Variants in TBCD observed in about 807,000 individuals in gnomAD.
TBCD encodes the protein tubulin folding cofactor D.
In TBCD, 105 loss-of-function variants were observed where a neutral mutation model predicts 169.3. The observed-to-expected ratio is 0.62, with a 90% CI of 0.53 to 0.73. The LOEUF (loss-of-function observed/expected upper bound fraction) is 0.73, where lower values mean the gene tolerates loss of function less well. Ranked by LOEUF, TBCD falls within the 30% of genes least tolerant of loss-of-function variation. The probability of loss-of-function intolerance (pLI) is 0.00; values close to 1 mark genes in which losing one functional copy is unlikely to be tolerated. For synonymous variants in TBCD, 700 were observed against 643.9 expected, an observed-to-expected ratio of 1.09 and a Z score of -1.32; for missense variants, 1,444 against 1,600.1, an observed-to-expected ratio of 0.90 and a Z score of 1.66.
intron 13 of TBCD, among the ~76,000 whole-genome samples, chr17:82,856,562 G>A (rs2056298660): frequency 6.6e-6 from 1 of 152,200 alleles, no homozygotes; most frequent in Admixed American, 6.5e-5. Flanking sequence ...ATGAGTCACA[G>A]GGACAGAGCT....
chr17:82,757,773 A>G (rs1431722343), intron 2 of TBCD, among the ~76,000 whole-genome samples: 3 of 152,118 alleles, frequency 2.0e-5, no homozygotes, highest in Non-Finnish European at 4.4e-5. Flanking sequence ...TGCAGGGAAC[A>G]TGACTCTGAC....
In TBCD at chr17:82,890,280, A is replaced by C. The variant is rs1390306755; in HGVS notation, c.1563+583A>C. On this transcript the variant is annotated intron_variant, in intron 16 of 38. Transcript: ENST00000355528. This position sits in a 1 kb window ranked among gnomAD's most constrained non-coding sequence, Gnocchi z 5.3. Reference sequence around the variant, plus strand: ...TCTTGGGCGTGTGGTTGGGTCTTGCAGGAGAGTGGGACAGAGGCCGGAGAG... The same window carrying C: ...TCTTGGGCGTGTGGTTGGGTCTTGCCGGAGAGTGGGACAGAGGCCGGAGAG... Among the ~76,000 whole-genome samples, 2 of 152,194 alleles carry C rather than the reference A, an allele frequency of 1.3e-5. No individual in the cohort carries two copies.
At chr17:82,876,126 T>C (rs1199422373) in intron 14 of TBCD, among the ~76,000 whole-genome samples, 1 of 152,194 alleles carries the variant, frequency 6.6e-6, no homozygotes, top group African/African-American at 2.4e-5. Flanking sequence ...AAACTTGAGC[T>C]GGGGTGAGGT....
chr17:82,752,745 C>T (rs571444057), intron 1 of TBCD, among the ~76,000 whole-genome samples: 1 of 152,328 alleles, frequency 6.6e-6, no homozygotes, highest in South Asian at 2.1e-4. Flanking sequence ...CAGACCCCTC[C>T]GGACAGCTGG....
rs1286528294 is a variant in TBCD at position 82,915,328 on chromosome 17, A to T, written c.2038+3539A>T. Among the ~76,000 whole-genome samples, 1 of 152,116 alleles carries T rather than the reference A, an allele frequency of 6.6e-6. No individual in the cohort carries two copies. Among genetic ancestry groups the T allele is most frequent in the Non-Finnish European group, 1.5e-5 (1 of 68,016 alleles). On this transcript the variant is annotated intron_variant, in intron 23 of 38. Coordinates refer to ENST00000355528, the MANE Select transcript of TBCD (RefSeq NM_005993.5). The surrounding 1 kb of genome is among the most constrained non-coding windows in gnomAD (Gnocchi z 4.3). ...CACATTTTGTGGGAAAAGTGGCTCA[A>T]CCCTTGGGAGTCGTCTGCGTCCCCA...
chr17:82,900,629 C>T (rs949167236), intron 17 of TBCD, 22 bp from the exon 18 acceptor site: 1 of 1,607,360 alleles, frequency 6.2e-7, no homozygotes, highest in Admixed American at 1.7e-5. Context: ...GTCTCACCAC[C>T]TCTCCATGCT....
At chr17:82,799,463 AGAAAC>A (rs1165189913) in intron 8 of TBCD, among the ~76,000 whole-genome samples, 3 of 150,852 alleles carry the variant, frequency 2.0e-5, no homozygotes, top group Non-Finnish European at 4.4e-5. Flanking sequence ...AAAAAAAAAA[AGAAAC>A]TATCCGAATA....
chr17:82,909,331 C>A, intron 22 of TBCD, 24 bp downstream of exon 22: 1 of 1,518,052 alleles, frequency 6.6e-7, no homozygotes, highest in South Asian at 1.2e-5. Flanking sequence ...AACCAAAGTT[C>A]TTATATCTGT....
intron 14 of TBCD, among the ~76,000 whole-genome samples, chr17:82,875,187 C>G (rs781099651): frequency 1.5e-4 from 23 of 152,186 alleles, no homozygotes; most frequent in Non-Finnish European, 3.4e-4. Flanking sequence ...TCGTAGGTAA[C>G]TTTTACCATG....
At position 82,831,014 on chromosome 17, in the gene TBCD, C is replaced by T. The variant is rs1260875246; in HGVS notation, c.1318+16080C>T. ...TTGGAGGTTTTGAAAATGACATTTT[C>T]TTACCTTACTGGAGACTCTGCTGTG... On this transcript the variant is annotated intron_variant, in intron 13 of 38. Transcript: ENST00000355528. This position sits in a 1 kb window ranked among gnomAD's most constrained non-coding sequence, Gnocchi z 4.6. 2 of 1,613,986 alleles carry T rather than the reference C, an allele frequency of 1.2e-6. No homozygotes were observed. The highest frequency in any genetic ancestry group is 1.7e-6 in the Non-Finnish European group (2 of 1,180,046).
Position 82,782,341 on chromosome 17 carries a change from C to T in TBCD, c.771+620C>T, listed in dbSNP as rs1258171921. On this transcript the variant is annotated intron_variant, in intron 7 of 38. Transcript: ENST00000355528. This position sits in a 1 kb window ranked among gnomAD's most constrained non-coding sequence, Gnocchi z 5.1. ...CTGGAGGCTGCAGCTCCCTGGTCAG[C>T]CTTCTGGAGGGGGAGCCGGCAGCCG... Among the ~76,000 whole-genome samples the T allele has an allele frequency of 6.6e-6, 1 of 152,186 alleles. No homozygotes were observed. The highest frequency in any genetic ancestry group is 2.4e-5 in the African/African-American group (1 of 41,442).
chr17:82,781,790 A>G, intron 7 of TBCD, 69 bp downstream of exon 7: 2 of 1,582,410 alleles, frequency 1.3e-6, no homozygotes, highest in Non-Finnish European at 1.7e-6. Context: ...CCACGGAATG[A>G]TGTTACCTGT....
At chr17:82,818,167 C>T (rs662669) in intron 13 of TBCD, among the ~76,000 whole-genome samples, 84,510 of 152,084 alleles carry the variant, frequency 0.56, 23,597 homozygotes, top group South Asian at 0.65. Context: ...CAGAAACTGA[C>T]ACGTGATGTG....
intron 1 of TBCD, among the ~76,000 whole-genome samples, chr17:82,754,153 C>T (rs187686222): frequency 1.4e-3 from 219 of 152,168 alleles, no homozygotes; most frequent in Non-Finnish European, 1.6e-3. Context: ...CCACCACGCC[C>T]GGCTGGAGTT....
chr17:82,829,222 A>G (rs560626031), intron 13 of TBCD, among the ~76,000 whole-genome samples: 2 of 151,432 alleles, frequency 1.3e-5, no homozygotes, highest in South Asian at 4.2e-4. Context: ...CACACGATCA[A>G]ATGTGCACGT....
intron 13 of TBCD, among the ~76,000 whole-genome samples, chr17:82,866,020 G>A (rs2057146025): frequency 6.6e-6 from 1 of 152,204 alleles, no homozygotes; most frequent in Non-Finnish European, 1.5e-5. Context: ...CATGAGAAAG[G>A]TTTTTGTTCA....
At chr17:82,842,811 C>T (rs1238529477) in intron 13 of TBCD, among the ~76,000 whole-genome samples, 4 of 131,564 alleles carry the variant, frequency 3.0e-5, no homozygotes, top group Admixed American at 8.4e-5. Flanking sequence ...GATGGAATCT[C>T]GCTCTGTCAC....
chr17:82,887,168 T>TGCGCGCGC (rs113145269), intron 15 of TBCD, among the ~76,000 whole-genome samples: 37 of 126,178 alleles, frequency 2.9e-4, no homozygotes, highest in South Asian at 8.8e-4. Context: ...TGTGTGTGTG[T>TGCGCGCGC]GCGCGCGCGC....
intron 13 of TBCD, among the ~76,000 whole-genome samples, chr17:82,856,825 C>T (rs1159495747): frequency 7.3e-6 from 1 of 136,484 alleles, no homozygotes; most frequent in Non-Finnish European, 1.6e-5. Context: ...CGCTGGACCG[C>T]GTGCGGACCC....
Sources: gnomAD v4.1 joint callset for allele counts (sites outside exome capture counted in the v4.1 genomes callset) on GRCh38, gnomAD v4.1.1 for gene constraint, Gnocchi (gnomAD v3.1) non-coding constraint, MANE v1.5 for transcripts, NCBI Gene and HGNC (gene_info 2026-07-23, HGNC 2026-07-21) for gene names.